The following KCNU1 variants were observed in gnomAD, a reference collection of about 807,000 sequenced individuals.
KCNU1 encodes the protein potassium channel subfamily U member 1.
A neutral mutation model predicts 126.8 loss-of-function variants in KCNU1; 93 were observed. The observed-to-expected ratio is 0.73, with a 90% CI of 0.62 to 0.87. The LOEUF (loss-of-function observed/expected upper bound fraction) is 0.87, where lower values mean the gene tolerates loss of function less well. Ranked by LOEUF, KCNU1 falls within the 40% of genes least tolerant of loss-of-function variation. KCNU1 has a pLI of 0.00. For synonymous variants in KCNU1, 523 were observed against 494.2 expected, an observed-to-expected ratio of 1.06 and a Z score of -0.77; for missense variants, 1,330 against 1,367.1, an observed-to-expected ratio of 0.97 and a Z score of 0.43.
intron 14 of KCNU1, among the ~76,000 whole-genome samples, chr8:36,838,395 A>G (rs1362047689): frequency 2.6e-5 from 4 of 152,164 alleles, no homozygotes; most frequent in Middle Eastern, 3.2e-3. Context: ...TATTTTTCTT[A>G]TTTAAAGAGT....
intron 6 of KCNU1, 140 bp from the exon 7 acceptor site, chr8:36,808,578 C>A: frequency 1.6e-6 from 1 of 627,300 alleles, no homozygotes; most frequent in South Asian, 1.9e-5. Flanking sequence ...TGGGATGCTG[C>A]ATTTCGAATA....
intron 24 of KCNU1, among the ~76,000 whole-genome samples, chr8:36,928,047 A>T (rs79153665): frequency 6.6e-6 from 1 of 151,658 alleles, no homozygotes. Flanking sequence ...AGGGAAAGGG[A>T]AGGGAAGATA....
chr8:36,805,079 G>A, intron 3 of KCNU1, 116 bp from the exon 4 acceptor site: 1 of 643,660 alleles, frequency 1.6e-6, no homozygotes, highest in South Asian at 2.0e-5. Context: ...TAACTTAAGT[G>A]TCTGGATTCA....
At chr8:36,841,034 G>GTTTTTTTTTTTTTTT in intron 16 of KCNU1, 31 bp downstream of exon 16, 1 of 562,564 alleles carries the variant, frequency 1.8e-6, no homozygotes, top group Non-Finnish European at 2.8e-6. Flanking sequence ...CTCTTCAGTT[G>GTTTTTTTTTTTTTTT]TTTTTTTTTT....
intron 14 of KCNU1, among the ~76,000 whole-genome samples, chr8:36,839,477 G>A (rs1191951104): frequency 6.6e-6 from 1 of 152,182 alleles, no homozygotes; most frequent in African/African-American, 2.4e-5. Context: ...CCTCATGAGA[G>A]GACTTTAAGA....
intron 26 of KCNU1, among the ~76,000 whole-genome samples, chr8:36,934,778 C>G (rs2117624727): frequency 6.6e-6 from 1 of 152,208 alleles, no homozygotes; most frequent in African/African-American, 2.4e-5. Flanking sequence ...CCATACAAGG[C>G]TACCCTGCCT....
chr8:36,851,971 C>T (rs1805366265), intron 18 of KCNU1, among the ~76,000 whole-genome samples: 1 of 152,122 alleles, frequency 6.6e-6, no homozygotes, highest in Admixed American at 6.5e-5. Context: ...AGGGGGAAGG[C>T]ATTCAATCTT....
chr8:36,846,418 C>T (rs1805147237), intron 18 of KCNU1, among the ~76,000 whole-genome samples: 1 of 152,184 alleles, frequency 6.6e-6, no homozygotes, highest in Admixed American at 6.6e-5. Context: ...TCTAACTGAA[C>T]TCAGCAGTTT....
At chr8:36,824,525 C>T (rs1305111210) in intron 10 of KCNU1, among the ~76,000 whole-genome samples, 1 of 152,122 alleles carries the variant, frequency 6.6e-6, no homozygotes, top group Non-Finnish European at 1.5e-5. Context: ...TCTGTGGTTT[C>T]AGGCATCCCC....
intron 2 of KCNU1, among the ~76,000 whole-genome samples, chr8:36,791,834 AAT>A (rs1184212225): frequency 2.0e-5 from 3 of 152,172 alleles, no homozygotes; most frequent in African/African-American, 2.4e-5. Context: ...TTTATGTGAA[AAT>A]AAACCTTTTC....
chr8:36,820,175 C>T (rs957539074), intron 10 of KCNU1, among the ~76,000 whole-genome samples: 13 of 152,104 alleles, frequency 8.5e-5, no homozygotes, highest in South Asian at 2.1e-4. Flanking sequence ...ATACATGGAA[C>T]GGAAGAACAA....
chr8:36,872,071 T>G (rs1806123005), intron 19 of KCNU1, among the ~76,000 whole-genome samples: 1 of 152,190 alleles, frequency 6.6e-6, no homozygotes, highest in Non-Finnish European at 1.5e-5. Flanking sequence ...ATTTTCACTT[T>G]GTGTTATTTG....
chr8:36,864,216 C>T (rs940363742), intron 18 of KCNU1, among the ~76,000 whole-genome samples, 188 bp from the exon 19 acceptor site: 4 of 152,140 alleles, frequency 2.6e-5, no homozygotes, highest in African/African-American at 9.6e-5. Context: ...AATTCTCTCT[C>T]ACTCCCTAAT....
chr8:36,839,483 T>A (rs1005292137), intron 14 of KCNU1, among the ~76,000 whole-genome samples: 4 of 152,184 alleles, frequency 2.6e-5, no homozygotes, highest in African/African-American at 9.6e-5. Flanking sequence ...GAGAGGACTT[T>A]AAGAAAGTGG....
Position 36,860,830 on chromosome 8 carries a change from T to C in KCNU1, c.1892-3574T>C, listed in dbSNP as rs565408421. On this transcript the variant is annotated intron_variant, in intron 18 of 26. Coordinates refer to ENST00000399881, the MANE Select transcript of KCNU1 (RefSeq NM_001031836.3). ...AAACAGTTAGGGACAGGAAAAAAAA[T>C]GACAAGAAATGAGTTGAGTAGGTGG... Among the ~76,000 whole-genome samples the C allele has an allele frequency of 9.8e-4, 148 of 151,502 alleles. 1 individual carries two copies. The highest frequency in any genetic ancestry group is 1.7e-3 in the Non-Finnish European group (113 of 67,924).
chr8:36,921,130 C>A (rs530119493), intron 23 of KCNU1, among the ~76,000 whole-genome samples: 5 of 152,188 alleles, frequency 3.3e-5, no homozygotes, highest in African/African-American at 1.2e-4. Context: ...GGATCAGAGA[C>A]CAAAACAAAA....
In KCNU1 at chr8:36,846,849, C is replaced by T. The variant is rs190600153; in HGVS notation, c.1891+950C>T. ...ACATTCAGACTCTATGTGTAAAACC[C>T]CAGTGTTTCAGAATTTAACCTTAGT... On this transcript the variant is annotated intron_variant, in intron 18 of 26. Coordinates refer to ENST00000399881, the MANE Select transcript of KCNU1 (RefSeq NM_001031836.3). Among the ~76,000 whole-genome samples the T allele has an allele frequency of 1.6e-3, 242 of 152,038 alleles. 1 individual carries two copies. In the Middle Eastern group the frequency reaches 0.017, roughly 11 times the overall value.
intron 10 of KCNU1, among the ~76,000 whole-genome samples, chr8:36,832,917 A>G (rs1041853443): frequency 1.3e-5 from 2 of 152,144 alleles, no homozygotes; most frequent in Non-Finnish European, 2.9e-5. Flanking sequence ...TTCCAAGCTC[A>G]TAATATTTTT....
At chr8:36,918,183 A>G (rs991777952) in intron 22 of KCNU1, among the ~76,000 whole-genome samples, 2 of 152,170 alleles carry the variant, frequency 1.3e-5, no homozygotes, top group East Asian at 1.9e-4. Flanking sequence ...CTTAATTGTG[A>G]CATCAATAAG....
Sources: allele counts gnomAD v4.1 joint callset (sites outside exome capture counted in the v4.1 genomes callset), GRCh38; gene constraint gnomAD v4.1.1; transcripts MANE v1.5; gene names NCBI Gene and HGNC (gene_info 2026-07-23, HGNC 2026-07-21).